CAMTA1: variants seen among roughly 807,000 people sequenced by gnomAD.
CAMTA1 encodes calmodulin binding transcription activator 1, also known as calmodulin-binding transcription activator 1.
CAMTA1 carries 27 observed loss-of-function variants against 170.9 expected under a neutral mutation model. The ratio of observed to expected loss-of-function variants is 0.16; its 90% CI spans 0.12 to 0.22. CAMTA1 has a LOEUF of 0.22. Ranked by LOEUF, CAMTA1 falls within the 10% of genes least tolerant of loss-of-function variation. CAMTA1 has a pLI of 1.00. For synonymous variants in CAMTA1, 833 were observed against 891.5 expected, an observed-to-expected ratio of 0.93 and a Z score of 1.17; for missense variants, 1,619 against 2,217.2, an observed-to-expected ratio of 0.73 and a Z score of 5.42.
chr1:7,623,051 A>G (rs1469746762), intron 6 of CAMTA1, among the ~76,000 whole-genome samples: 2 of 152,188 alleles, frequency 1.3e-5, no homozygotes, highest in African/African-American at 4.8e-5. Flanking sequence ...TTCCATCCTC[A>G]GAGGCCTTCT....
intron 3 of CAMTA1, among the ~76,000 whole-genome samples, chr1:6,878,784 T>G (rs1015318407): frequency 6.6e-6 from 1 of 152,204 alleles, no homozygotes; most frequent in Non-Finnish European, 1.5e-5. Flanking sequence ...CCGCTTGGGC[T>G]TCACCCATTC....
At chr1:7,124,772 C>G (rs956512213) in intron 4 of CAMTA1, among the ~76,000 whole-genome samples, 2 of 152,186 alleles carry the variant, frequency 1.3e-5, no homozygotes, top group African/African-American at 2.4e-5. Flanking sequence ...GTGCATGGGA[C>G]GAATGAACTT....
chr1:7,361,265 A>G (rs546331698), intron 5 of CAMTA1, among the ~76,000 whole-genome samples: 1 of 152,298 alleles, frequency 6.6e-6, no homozygotes, highest in Non-Finnish European at 1.5e-5. Flanking sequence ...TGCTCAACAG[A>G]TATCTGCTGA....
intron 11 of CAMTA1, among the ~76,000 whole-genome samples, chr1:7,697,517 C>A (rs1005794420): frequency 3.3e-5 from 5 of 152,180 alleles, no homozygotes; most frequent in Non-Finnish European, 5.9e-5. Context: ...ATCCTGCTCC[C>A]CTTCACAGCA....
intron 5 of CAMTA1, among the ~76,000 whole-genome samples, chr1:7,260,900 T>C (rs1190232832): frequency 1.3e-5 from 2 of 152,248 alleles, no homozygotes; most frequent in Non-Finnish European, 1.5e-5. Context: ...TAAGAAATGT[T>C]GACTCTTCAT....
intron 5 of CAMTA1, among the ~76,000 whole-genome samples, chr1:7,384,747 G>A (rs536928658): frequency 7.6e-4 from 116 of 152,254 alleles, no homozygotes; most frequent in African/African-American, 1.9e-3. Flanking sequence ...CTGGGTGTGC[G>A]TGTGGTTGCT....
At chr1:7,687,687 C>G (rs539105295) in intron 11 of CAMTA1, among the ~76,000 whole-genome samples, 5 of 152,164 alleles carry the variant, frequency 3.3e-5, no homozygotes, top group African/African-American at 1.2e-4. Context: ...TTGATAGGTC[C>G]GTGGGCCCCA....
chr1:7,481,857 T>C (rs927140657), intron 6 of CAMTA1, among the ~76,000 whole-genome samples: 2 of 151,612 alleles, frequency 1.3e-5, no homozygotes, highest in African/African-American at 2.4e-5. Flanking sequence ...ATTGAATGCA[T>C]ACATGTTAAG....
chr1:7,013,864 C>T (rs986335095), intron 3 of CAMTA1, among the ~76,000 whole-genome samples: 3 of 152,200 alleles, frequency 2.0e-5, no homozygotes, highest in African/African-American at 4.8e-5. Context: ...CCATAATGCT[C>T]GGCTTCCTTG....
intron 5 of CAMTA1, among the ~76,000 whole-genome samples, chr1:7,448,402 T>C (rs6686279): frequency 0.1 from 15,843 of 152,178 alleles, 1,325 homozygotes; most frequent in East Asian, 0.34. Flanking sequence ...TGGGGAGAAC[T>C]GGTCTCCAGG....
rs1438618927 is a variant in CAMTA1, at chr1:7,682,793, T to C, written c.2914+5060T>C. 6.6e-6 allele frequency among the ~76,000 whole-genome samples: 1 copy of C among 152,184 alleles called. No homozygotes were observed. The highest frequency in any genetic ancestry group is 2.4e-5 in the African/African-American group (1 of 41,454). On this transcript the variant is annotated intron_variant, in intron 11 of 22. Coordinates refer to ENST00000303635, the MANE Select transcript of CAMTA1 (RefSeq NM_015215.4). The surrounding 1 kb of genome is among the most constrained non-coding windows in gnomAD (Gnocchi z 5.0). ...GCCGGCCGCTCCTAGGCTGGCTCCCTCCCTCAGATCCACCCAGCCCACCTC... is the reference window on the plus strand; with the variant it reads ...GCCGGCCGCTCCTAGGCTGGCTCCCCCCCTCAGATCCACCCAGCCCACCTC...
Position 6,820,226 on chromosome 1 carries a change from C to G in CAMTA1, c.91C>G (p.Leu31Val). The change falls in exon 2 of 23, where the codon CTC (leucine) becomes GTC (valine). Residue 31 changes from leucine (L) to valine (V), a missense_variant. This residue lies in a region of CAMTA1 where 61 missense variants were observed against 57.7 expected (regional missense o/e 1.06). Coordinates refer to ENST00000303635, the MANE Select transcript of CAMTA1 (RefSeq NM_015215.4). ...CTGCGGAACTAGCACCTACTGTGTT[C>G]TCAACACCGTGCCACCTATAGAAGG... ...VFCGTSTYCV[L>V]NTVPPIEDDH... 1 of 1,613,836 alleles carries G rather than the reference C, an allele frequency of 6.2e-7. No homozygotes were observed. The highest frequency in any genetic ancestry group is 8.5e-7 in the Non-Finnish European group (1 of 1,179,720).
chr1:7,107,989 C>T (rs566433615), intron 4 of CAMTA1, among the ~76,000 whole-genome samples: 4 of 152,310 alleles, frequency 2.6e-5, no homozygotes, highest in Non-Finnish European at 4.4e-5. Context: ...ACCACCCCCT[C>T]GCTCAGTCCC....
chr1:6,887,785 A>C lies in CAMTA1; in HGVS notation c.234+62575A>C, dbSNP rs955796277. The C allele has an allele frequency of 2.6e-6, 4 of 1,531,396 alleles. No homozygotes were observed. The highest frequency in any genetic ancestry group is 3.5e-6 in the Non-Finnish European group (4 of 1,144,674). The allele number at this position is 1,531,396 out of a possible 1,614,324, so 94.9% of individuals were successfully genotyped here. A position where few individuals can be genotyped will look rare whatever the true frequency, so the allele number is the denominator to read the frequency against. On this transcript the variant is annotated intron_variant, in intron 3 of 22. Transcript: ENST00000303635. The surrounding 1 kb of genome is among the most constrained non-coding windows in gnomAD (Gnocchi z 4.1). The stretch of plus-strand genomic sequence containing the variant: ...AGAGCTTTCCCATCCTGCCAGCCCC[A>C]TGTCTGGCTTTAAGACAGTTCTATT...
In CAMTA1 at chr1:7,270,230, T is replaced by TACAC. The variant is rs1272841719; in HGVS notation, c.438+20606_438+20609dup. 9.4e-3 allele frequency among the ~76,000 whole-genome samples: 856 copies of TACAC among 91,142 alleles called. 11 individuals carry two copies. Among genetic ancestry groups the TACAC allele is most frequent in the South Asian group, 0.019 (53 of 2,782 alleles). 59.8% of individuals were successfully genotyped at this position (91,142 alleles called of 152,430 possible). The stretch of plus-strand genomic sequence containing the variant: ...ATATATATACATATATACATATATA[T>TACAC]ACACATATATACATACACACACACA... On this transcript the variant is annotated intron_variant, in intron 5 of 22. Coordinates refer to ENST00000303635, the MANE Select transcript of CAMTA1 (RefSeq NM_015215.4).
chr1:6,952,782 C>T (rs531186598), intron 3 of CAMTA1, among the ~76,000 whole-genome samples: 2 of 151,968 alleles, frequency 1.3e-5, no homozygotes, highest in African/African-American at 4.8e-5. Context: ...AGCAGTGAGC[C>T]GAGATAACGC....
intron 3 of CAMTA1, among the ~76,000 whole-genome samples, chr1:6,854,083 A>G (rs1422436519): frequency 6.6e-6 from 1 of 152,244 alleles, no homozygotes; most frequent in Non-Finnish European, 1.5e-5. Context: ...GTTTATGTGT[A>G]ATCTAGACGT....
At chr1:6,944,438 C>A (rs942428756) in intron 3 of CAMTA1, among the ~76,000 whole-genome samples, 1 of 152,170 alleles carries the variant, frequency 6.6e-6, no homozygotes. Context: ...TCCCCAGGAC[C>A]TGTACACCCC....
At chr1:6,969,159 C>T (rs1692090492) in intron 3 of CAMTA1, among the ~76,000 whole-genome samples, 1 of 152,178 alleles carries the variant, frequency 6.6e-6, no homozygotes, top group Non-Finnish European at 1.5e-5. Flanking sequence ...AGGGCTAAAC[C>T]AGATGCCTTG....
Sources: allele counts gnomAD v4.1 joint callset (sites outside exome capture counted in the v4.1 genomes callset), GRCh38; gene constraint gnomAD v4.1.1; regional missense constraint gnomAD v4.1.1; non-coding constraint Gnocchi (gnomAD v3.1); transcripts MANE v1.5; gene names NCBI Gene and HGNC (gene_info 2026-07-23, HGNC 2026-07-21).